Variants in KDM6A observed in about 807,000 individuals in gnomAD.
KDM6A encodes lysine-specific demethylase 6A.
A neutral mutation model predicts 117.6 loss-of-function variants in KDM6A; 11 were observed. The observed-to-expected ratio is 0.09, with a 90% CI of 0.06 to 0.15. KDM6A has a LOEUF of 0.15. KDM6A is among the 10% of genes least tolerant of loss of function. The pLI is 1.00. For synonymous variants in KDM6A, 384 were observed against 396.1 expected (o/e 0.97, Z 0.36); for missense variants, 799 against 1,077.3 (o/e 0.74, Z 3.62).
chrX:45,041,442 C>A (rs1360446487), intron 8 of KDM6A, among the ~76,000 whole-genome samples: 2 of 105,208 alleles, frequency 1.9e-5, no homozygotes, highest in South Asian at 4.4e-4. Context: ...CCCCCCCCCA[C>A]CTCCCTCCCG....
chrX:44,916,480 TG>T (rs1175396617), intron 2 of KDM6A, among the ~76,000 whole-genome samples: 3 of 110,950 alleles, frequency 2.7e-5, no homozygotes, highest in African/African-American at 9.8e-5. Flanking sequence ...CCCTATGCTT[TG>T]GCTGCCTTTA....
At chrX:44,981,640 A>G (rs776294185) in intron 4 of KDM6A, among the ~76,000 whole-genome samples, 7 of 111,859 alleles carry the variant, frequency 6.3e-5, no homozygotes, top group African/African-American at 1.6e-4. Context: ...AAAAGTCCCA[A>G]CGTTCTAATC....
intron 2 of KDM6A, among the ~76,000 whole-genome samples, chrX:44,883,084 G>A (rs765178547): frequency 9.5e-6 from 1 of 105,330 alleles, no homozygotes; most frequent in African/African-American, 3.5e-5. Context: ...TTTTTTTGAG[G>A]CAGGGTCTCA....
chrX:45,007,736 AAC>A (rs1429857963), intron 4 of KDM6A, among the ~76,000 whole-genome samples: 1 of 111,487 alleles, frequency 9.0e-6, no homozygotes, highest in African/African-American at 3.3e-5. Flanking sequence ...GAGTTTAGTC[AAC>A]ACACAAGTAA....
intron 18 of KDM6A, 146 bp downstream of exon 18, chrX:45,070,503 C>T: frequency 1.8e-6 from 1 of 566,120 alleles, no homozygotes. Context: ...CTTTATTTTG[C>T]TTAGATGTTG....
intron 4 of KDM6A, among the ~76,000 whole-genome samples, chrX:45,005,478 C>G (rs191538129): frequency 9.0e-6 from 1 of 111,720 alleles, no homozygotes; most frequent in Admixed American, 9.5e-5. Context: ...TTCTGAGACA[C>G]TCGACTTTTA....
At chrX:45,092,190 G>A (rs1287794203) in intron 27 of KDM6A, among the ~76,000 whole-genome samples, 3 of 111,341 alleles carry the variant, frequency 2.7e-5, no homozygotes, top group Non-Finnish European at 3.8e-5. Flanking sequence ...AGCAAGTTCA[G>A]TGTTATTTTT....
intron 4 of KDM6A, among the ~76,000 whole-genome samples, chrX:44,979,266 T>C (rs1322625137): frequency 9.0e-6 from 1 of 111,698 alleles, no homozygotes; most frequent in Non-Finnish European, 1.9e-5. Flanking sequence ...TGCCCATTCT[T>C]GTTTTTTCTT....
chrX:44,989,526 A>G (rs1224369429), intron 4 of KDM6A, among the ~76,000 whole-genome samples: 3 of 110,447 alleles, frequency 2.7e-5, no homozygotes, highest in African/African-American at 6.6e-5. Context: ...AGCTGTTCCT[A>G]TTCAGCCATC....
intron 2 of KDM6A, among the ~76,000 whole-genome samples, chrX:44,906,869 A>G (rs2034708764): frequency 8.9e-6 from 1 of 112,129 alleles, no homozygotes; most frequent in Non-Finnish European, 1.9e-5. Context: ...ATTTGCATAA[A>G]GTGTACAGTT....
At chrX:45,092,581 G>A (rs981650028) in intron 27 of KDM6A, among the ~76,000 whole-genome samples, 7 of 111,943 alleles carry the variant, frequency 6.3e-5, no homozygotes, top group Middle Eastern at 4.7e-3. Flanking sequence ...CTCTATGCCA[G>A]ACACTGTTCT....
rs113171390 is a variant in KDM6A at position 44,883,893 on chromosome X, G to A, written c.225+9906G>A. ...CGAGGCTGGTGGATCACCTGAGGTC[G>A]GGAGTTCGAGACCAGCCTGACCAAC... On this transcript the variant is annotated intron_variant, in intron 2 of 29. Coordinates refer to ENST00000611820, the MANE Select transcript of KDM6A (RefSeq NM_001291415.2). Among the ~76,000 whole-genome samples the A allele has an allele frequency of 6.6e-3, 727 of 109,546 alleles. 10 individuals carry two copies. The highest frequency in any genetic ancestry group is 0.037 in the Middle Eastern group (8 of 214).
intron 4 of KDM6A, 106 bp from the exon 5 acceptor site, chrX:45,010,855 G>A: frequency 3.5e-6 from 2 of 570,052 alleles, no homozygotes; most frequent in Non-Finnish European, 2.9e-6. Context: ...ATGCATGATA[G>A]AATTTTAGGA....
At chrX:45,043,466 T>C (rs765686487) in intron 8 of KDM6A, among the ~76,000 whole-genome samples, 7 of 111,372 alleles carry the variant, frequency 6.3e-5, no homozygotes, top group Admixed American at 1.9e-4. Flanking sequence ...GTTAATACTT[T>C]AGTAGATTAA....
At chrX:44,913,297 T>TG (rs1156234800) in intron 2 of KDM6A, among the ~76,000 whole-genome samples, 19 of 18,941 alleles carry the variant, frequency 1.0e-3, no homozygotes, top group South Asian at 4.8e-3. Context: ...ATGTGTTAAC[T>TG]GTTTTTTTTT....
At chrX:45,070,936 A>G (rs959823243) in intron 18 of KDM6A, among the ~76,000 whole-genome samples, 1 of 111,569 alleles carries the variant, frequency 9.0e-6, no homozygotes, top group Non-Finnish European at 1.9e-5. Context: ...CTGCTAGTCT[A>G]GGAAGGGCAG....
At chrX:45,035,134 T>C (rs1194857574) in intron 7 of KDM6A, 149 bp downstream of exon 7, 3 of 507,783 alleles carry the variant, frequency 5.9e-6, no homozygotes, top group Non-Finnish European at 1.0e-5. Flanking sequence ...CTTACATAAA[T>C]GGAACCTGCA....
intron 2 of KDM6A, among the ~76,000 whole-genome samples, chrX:44,891,415 CTT>C (rs2033351238): frequency 9.0e-6 from 1 of 111,379 alleles, no homozygotes; most frequent in South Asian, 3.7e-4. Context: ...GCTTTTGAAT[CTT>C]TGTTAAAAAA....
At chrX:44,886,489 A>G (rs1029439732) in intron 2 of KDM6A, among the ~76,000 whole-genome samples, 1 of 102,200 alleles carries the variant, frequency 9.8e-6, no homozygotes, top group Non-Finnish European at 2.0e-5. Flanking sequence ...ACTACTTACT[A>G]TCTTTTTTTT....
Sources: allele counts gnomAD v4.1 joint callset (sites outside exome capture counted in the v4.1 genomes callset), GRCh38; gene constraint gnomAD v4.1.1; transcripts MANE v1.5; gene names NCBI Gene and HGNC (gene_info 2026-07-23, HGNC 2026-07-21).